The following NBAS variants were observed in gnomAD, a reference collection of about 807,000 sequenced individuals.
NBAS encodes the protein NBAS subunit of NRZ tethering complex, also known as NAG/BC035112 fusion.
Under a neutral mutation model 302.5 loss-of-function variants are expected in NBAS, and 219 were observed. The ratio of observed to expected loss-of-function variants is 0.72; its 90% confidence interval spans 0.65 to 0.81. NBAS has a LOEUF of 0.81. Ranked by LOEUF, NBAS falls within the 30% of genes least tolerant of loss-of-function variation. NBAS has a pLI of 0.00. For synonymous variants in NBAS, 1,118 were observed against 1,021.6 expected (o/e 1.09, Z -1.80); for missense variants, 2,932 against 2,841.6 (o/e 1.03, Z -0.72).
chr2:15,163,152 A>G (rs1287615891), downstream of NBAS, among the ~76,000 whole-genome samples: 2 of 152,176 alleles, frequency 1.3e-5, no homozygotes, highest in African/African-American at 4.8e-5. Flanking sequence ...TCTTTTAAAA[A>G]TTGGGTCCCT....
chr2:14,969,161 C>T, the NBAS span, among the ~76,000 whole-genome samples: 27 of 152,070 alleles, frequency 1.8e-4, no homozygotes, highest in African/African-American at 6.3e-4. Flanking sequence ...TCTACAGAGA[C>T]AGAAAGTAGA....
chr2:15,198,424 A>G (rs1486858317), intron 48 of NBAS, among the ~76,000 whole-genome samples: 1 of 152,176 alleles, frequency 6.6e-6, no homozygotes, highest in Non-Finnish European at 1.5e-5. Flanking sequence ...ACGAGAAAGG[A>G]TCTGAGGGAA....
At chr2:14,952,752 G>A in the NBAS span, among the ~76,000 whole-genome samples, 4 of 152,222 alleles carry the variant, frequency 2.6e-5, no homozygotes, top group Admixed American at 6.5e-5. Flanking sequence ...CCAGCAGAGC[G>A]CCTGACAGGG....
intron 50 of NBAS, among the ~76,000 whole-genome samples, chr2:15,185,236 C>T (rs1287069827): frequency 6.6e-6 from 1 of 152,148 alleles, no homozygotes; most frequent in Non-Finnish European, 1.5e-5. Flanking sequence ...AATCTCCTTA[C>T]AGAAGGTGGT....
the NBAS span, among the ~76,000 whole-genome samples, chr2:14,957,345 A>G: frequency 6.6e-6 from 1 of 151,546 alleles, no homozygotes; most frequent in Non-Finnish European, 1.5e-5. Flanking sequence ...AATGCAATGT[A>G]ATTTTTTCGT....
rs777804249 is a variant in NBAS at position 15,539,224 on chromosome 2, G to A, written c.512C>T (p.Pro171Leu). The change falls in exon 7 of 52, where the codon CCG (proline) becomes CTG (leucine). Residue 171 changes from proline to leucine, a missense_variant and splice_region_variant. Transcript: ENST00000281513. ...TTTCAATTTAAGCTATGTACATACCGGGGAAATGACAAAGAGTTCACTTCC... is the reference window on the plus strand; with the variant it reads ...TTTCAATTTAAGCTATGTACATACCAGGGAAATGACAAAGAGTTCACTTCC... ...LMGSELFVIS[P>L]ASSFIGDLSY... The A allele has an allele frequency of 1.7e-5, 27 of 1,613,868 alleles. No homozygotes were observed. Among genetic ancestry groups the A allele is most frequent in the East Asian group, 1.1e-4 (5 of 44,886 alleles).
chr2:15,168,792 GC>G (rs2125097921), intron 51 of NBAS, among the ~76,000 whole-genome samples: 1 of 152,140 alleles, frequency 6.6e-6, no homozygotes, highest in East Asian at 1.9e-4. Flanking sequence ...ACCACGCCTG[GC>G]TAATTTTTTG....
the NBAS span, among the ~76,000 whole-genome samples, chr2:15,158,439 T>G: frequency 6.6e-6 from 1 of 152,228 alleles, no homozygotes; most frequent in Non-Finnish European, 1.5e-5. Context: ...ATGACAATGC[T>G]GAGGCTGCCA....
the NBAS span, among the ~76,000 whole-genome samples, chr2:14,971,472 G>A: frequency 0.038 from 5,741 of 152,074 alleles, 282 homozygotes; most frequent in East Asian, 0.098. Context: ...CCAAGATTGC[G>A]CCACTGCACT....
chr2:15,448,767 T>C (rs1678870813), intron 21 of NBAS, among the ~76,000 whole-genome samples: 1 of 152,224 alleles, frequency 6.6e-6, no homozygotes, highest in African/African-American at 2.4e-5. Context: ...TTTCTTCTTA[T>C]AAATGCAATG....
the NBAS span, among the ~76,000 whole-genome samples, chr2:14,895,739 C>CAAAAAAAAAAAAAAAAAAAA: frequency 1.0e-5 from 1 of 95,468 alleles, no homozygotes; most frequent in African/African-American, 3.8e-5. Context: ...GACTCCGTCT[C>CAAAAAAAAAAAAAAAAAAAA]AAAAAAAAAA....
intron 48 of NBAS, among the ~76,000 whole-genome samples, chr2:15,210,717 T>C (rs1430701767): frequency 7.9e-5 from 12 of 152,156 alleles, no homozygotes; most frequent in Admixed American, 7.9e-4. Flanking sequence ...ATTTGGAAGC[T>C]ACCTAAGTGT....
the NBAS span, among the ~76,000 whole-genome samples, chr2:15,064,538 G>C: frequency 2.6e-4 from 39 of 152,020 alleles, no homozygotes; most frequent in East Asian, 6.4e-3. Flanking sequence ...GAAAAATCTG[G>C]ACAGACCAAT....
the NBAS span, among the ~76,000 whole-genome samples, chr2:14,842,503 C>T: frequency 1.3e-5 from 2 of 151,704 alleles, no homozygotes; most frequent in African/African-American, 2.4e-5. Flanking sequence ...ACAGAGACAA[C>T]AGAAATAAGA....
At chr2:15,460,580 C>T (rs1035504216) in intron 21 of NBAS, among the ~76,000 whole-genome samples, 16 of 152,170 alleles carry the variant, frequency 1.1e-4, no homozygotes, top group African/African-American at 3.9e-4. Context: ...AATGTACTCC[C>T]TCTCCTTTAT....
At chr2:15,168,172 C>G (rs549881127) in intron 51 of NBAS, among the ~76,000 whole-genome samples, 3 of 152,268 alleles carry the variant, frequency 2.0e-5, no homozygotes, top group African/African-American at 7.2e-5. Context: ...AAAACAGATT[C>G]CTGACAGGCT....
intron 4 of NBAS, 103 bp downstream of exon 4, chr2:15,553,958 T>A: frequency 2.2e-6 from 2 of 928,786 alleles, no homozygotes; most frequent in South Asian, 2.8e-5. Context: ...TTACACACAA[T>A]AAAAATCAAG....
chr2:15,160,105 A>G, the NBAS span, among the ~76,000 whole-genome samples: 1 of 152,104 alleles, frequency 6.6e-6, no homozygotes, highest in African/African-American at 2.4e-5. Context: ...GATCATGGAG[A>G]GCCGTTCAAG....
chr2:15,209,303 GT>G (rs1666295097), intron 48 of NBAS, among the ~76,000 whole-genome samples: 1 of 151,896 alleles, frequency 6.6e-6, no homozygotes, highest in South Asian at 2.1e-4. Context: ...GAAGCCATAA[GT>G]CTCCCAGTAA....
Sources: gnomAD v4.1 joint callset for allele counts (sites outside exome capture counted in the v4.1 genomes callset) on GRCh38, gnomAD v4.1.1 for gene constraint, MANE v1.5 for transcripts, NCBI Gene and HGNC (gene_info 2026-07-23, HGNC 2026-07-21) for gene names.